ABR: variants seen among roughly 807,000 people sequenced by gnomAD.
ABR encodes the protein active breakpoint cluster region-related protein.
A neutral mutation model predicts 107.2 loss-of-function variants in ABR; 35 were observed. The observed-to-expected ratio is 0.33, with a 90% CI of 0.25 to 0.43. The LOEUF is 0.43. Ranked by LOEUF, ABR falls within the 20% of genes least tolerant of loss-of-function variation. ABR has a pLI of 1.00. For missense variants in ABR, 815 were observed against 1,115.2 expected, an observed-to-expected ratio of 0.73 and a Z score of 3.83; for synonymous variants, 498 against 462.0, an observed-to-expected ratio of 1.08 and a Z score of -1.00.
chr17:1,061,822 C>A (rs1466619213), intron 10 of ABR, among the ~76,000 whole-genome samples: 1 of 152,200 alleles, frequency 6.6e-6, no homozygotes, highest in Admixed American at 6.5e-5. Context: ...ACTGGGATTA[C>A]CGGTGTAAAC....
chr17:1,122,110 C>G (rs1378325683), intron 2 of ABR, among the ~76,000 whole-genome samples: 2 of 152,172 alleles, frequency 1.3e-5, no homozygotes, highest in Non-Finnish European at 2.9e-5. Context: ...ACCATGTTGG[C>G]CAGGCTAGTC....
intron 1 of ABR, among the ~76,000 whole-genome samples, chr17:1,166,280 TGC>T: frequency 1.3e-5 from 2 of 151,852 alleles, no homozygotes; most frequent in South Asian, 4.2e-4. Flanking sequence ...TGCGGCCCCA[TGC>T]AGGGCTTCTC....
chr17:1,072,891 C>T (rs888136863), intron 7 of ABR, 137 bp from the exon 8 acceptor site: 14 of 1,224,962 alleles, frequency 1.1e-5, no homozygotes, highest in South Asian at 1.5e-5. Flanking sequence ...AACTACAAAT[C>T]AGAGTCAGGC....
At chr17:1,163,284 G>C (rs540173503) in intron 1 of ABR, among the ~76,000 whole-genome samples, 28 of 152,324 alleles carry the variant, frequency 1.8e-4, no homozygotes, top group Non-Finnish European at 1.0e-4. Flanking sequence ...CAATCGCATC[G>C]TGATTTTTTG....
intron 2 of ABR, among the ~76,000 whole-genome samples, chr17:1,112,066 G>A (rs2038703458): frequency 1.3e-5 from 2 of 152,106 alleles, no homozygotes; most frequent in South Asian, 4.1e-4. Context: ...CTTTGCCAAA[G>A]CCACCACCCC....
intron 1 of ABR, among the ~76,000 whole-genome samples, chr17:1,161,141 C>T (rs1215944035): frequency 6.6e-6 from 1 of 151,860 alleles, no homozygotes; most frequent in Non-Finnish European, 1.5e-5. Context: ...TCGGAAATCC[C>T]CGTCACCCAC....
intron 1 of ABR, among the ~76,000 whole-genome samples, chr17:1,170,263 T>G (rs776350476): frequency 2.6e-5 from 4 of 151,850 alleles, no homozygotes; most frequent in Non-Finnish European, 5.9e-5. Flanking sequence ...GCTAGAGAAA[T>G]GAACCCAGAT....
intron 16 of ABR, among the ~76,000 whole-genome samples, chr17:1,036,783 C>T (rs576235853): frequency 6.6e-6 from 1 of 152,154 alleles, no homozygotes; most frequent in East Asian, 1.9e-4. Flanking sequence ...ATTTCCTGTA[C>T]CGACCCTAAC....
In ABR at chr17:1,146,444, G is replaced by A. The variant is rs140260596; in HGVS notation, c.62-21077C>T. Among the ~76,000 whole-genome samples, 458 of 152,260 alleles carry A rather than the reference G, an allele frequency of 3.0e-3. 1 individual carries two copies. The highest frequency in any genetic ancestry group is 4.6e-3 in the Non-Finnish European group (313 of 68,012). On this transcript the variant is annotated intron_variant, in intron 1 of 22. Transcript: ENST00000302538. Reference sequence around the variant, plus strand: ...GCTCTGGCTTCCCCAAAGGTGAAACGGAATGATAGGATTGTTGTGGGGATT... The same window carrying A: ...GCTCTGGCTTCCCCAAAGGTGAAACAGAATGATAGGATTGTTGTGGGGATT...
At chr17:1,073,530 G>A (rs1426617637) in intron 7 of ABR, 95 bp downstream of exon 7, 1 of 1,015,036 alleles carries the variant, frequency 9.9e-7, no homozygotes, top group Non-Finnish European at 1.3e-6. Flanking sequence ...TCCCCAGGTG[G>A]ACTGTTCTCG....
chr17:1,012,842 G>C, intron 17 of ABR, 45 bp from the exon 18 acceptor site: 1 of 1,480,614 alleles, frequency 6.8e-7, no homozygotes, highest in Admixed American at 2.0e-5. Context: ...GGGTGTGAGT[G>C]CCCGAGGAAT....
intron 1 of ABR, among the ~76,000 whole-genome samples, chr17:1,215,885 C>T (rs140855209): frequency 1.2e-3 from 128 of 107,776 alleles, no homozygotes; most frequent in Middle Eastern, 9.1e-3. Context: ...CCCCAACCCC[C>T]GTGCTCTCTG....
At chr17:1,142,988 C>T (rs2040356071) in intron 1 of ABR, among the ~76,000 whole-genome samples, 1 of 149,836 alleles carries the variant, frequency 6.7e-6, no homozygotes, top group Non-Finnish European at 1.5e-5. Flanking sequence ...CAGCTCGCTC[C>T]TGGGGGACAG....
intron 1 of ABR, among the ~76,000 whole-genome samples, chr17:1,222,364 C>T (rs922482989): frequency 2.0e-5 from 3 of 152,128 alleles, no homozygotes; most frequent in Non-Finnish European, 2.9e-5. Flanking sequence ...CCACCGCGCC[C>T]GGCCTCAAAT....
chr17:1,072,473 G>A (rs2035318817), intron 8 of ABR, 141 bp downstream of exon 8: 1 of 391,198 alleles, frequency 2.6e-6, no homozygotes, highest in Non-Finnish European at 4.3e-6. Flanking sequence ...CCGCCCGTGT[G>A]TGAGAGAAGG....
Position 1,005,950 on chromosome 17 carries a change from T to C in ABR, c.*130A>G. 2 of 880,676 alleles carry C rather than the reference T, an allele frequency of 2.3e-6. No homozygotes were observed. Among genetic ancestry groups the C allele is most frequent in the South Asian group, 1.6e-5 (1 of 64,282 alleles). 54.6% of individuals were successfully genotyped at this position (880,676 alleles called of 1,614,324 possible). Reference sequence around the variant, plus strand: ...CAAAAGACGTACGCATTCCAGTTCTTGGAAGCTGGCTTCCCTCGAGTCTGG... The same window carrying C: ...CAAAAGACGTACGCATTCCAGTTCTCGGAAGCTGGCTTCCCTCGAGTCTGG... On this transcript the variant is annotated 3_prime_UTR_variant, in exon 23 of 23. Coordinates refer to ENST00000302538, the MANE Select transcript of ABR (RefSeq NM_021962.5).
chr17:1,060,283 G>A (rs9889408), intron 10 of ABR, among the ~76,000 whole-genome samples: 103,124 of 151,804 alleles, frequency 0.68, 35,356 homozygotes, highest in East Asian at 0.85. Context: ...GGTGGCGGGC[G>A]CCTGTAATCC....
rs1043688916 is a variant in ABR at position 1,051,385 on chromosome 17, C to A, written c.1562-751G>T. 2.0e-5 allele frequency among the ~76,000 whole-genome samples: 3 copies of A among 152,100 alleles called. No individual in the cohort carries two copies. The highest frequency in any genetic ancestry group is 7.2e-5 in the African/African-American group (3 of 41,428). On this transcript the variant is annotated intron_variant, in intron 14 of 22. Coordinates refer to ENST00000302538, the MANE Select transcript of ABR (RefSeq NM_021962.5). This position sits in a 1 kb window ranked among gnomAD's most constrained non-coding sequence, Gnocchi z 4.3. ...GGCACACGGTGAACGAGGCTCCCAC[C>A]ACCACCAAGCGCTCCAGGTAACAAG...
chr17:1,008,640 C>A (rs940247579), intron 21 of ABR, among the ~76,000 whole-genome samples: 1 of 152,238 alleles, frequency 6.6e-6, no homozygotes, highest in African/African-American at 2.4e-5. Context: ...AAGACACCAG[C>A]CCCGGGCGCG....
Sources: gnomAD v4.1 joint callset for allele counts (sites outside exome capture counted in the v4.1 genomes callset) on GRCh38, gnomAD v4.1.1 for gene constraint, Gnocchi (gnomAD v3.1) non-coding constraint, MANE v1.5 for transcripts, NCBI Gene and HGNC (gene_info 2026-07-23, HGNC 2026-07-21) for gene names.